KLHL15: variants seen among roughly 807,000 people sequenced by gnomAD.
KLHL15 encodes kelch like family member 15.
In KLHL15, 1 loss-of-function variant was observed where a neutral mutation model predicts 29.3. That is an observed-to-expected ratio of 0.03 (90% CI 0.01 to 0.16). The LOEUF is 0.16. Ranked by LOEUF, KLHL15 falls within the 10% of genes least tolerant of loss-of-function variation. The pLI is 1.00. For synonymous variants in KLHL15, 212 were observed against 184.5 expected (o/e 1.15, Z -1.21); for missense variants, 215 against 478.5 (o/e 0.45, Z 5.14).
At chrX:24,009,240 T>C (rs1221609648) in intron 2 of KLHL15, among the ~76,000 whole-genome samples, 1 of 111,268 alleles carries the variant, frequency 9.0e-6, no homozygotes, top group African/African-American at 3.3e-5. Context: ...CTCATGCCTG[T>C]AATCCCAACA....
intron 2 of KLHL15, among the ~76,000 whole-genome samples, chrX:24,022,360 A>G (rs75327374): frequency 2.2e-5 from 2 of 89,642 alleles, no homozygotes; most frequent in Non-Finnish European, 2.1e-5. Flanking sequence ...AAAAAAAAAA[A>G]GGCTGGGCAC....
rs201181072 is a variant in KLHL15, at chrX:24,006,228, T to C, written c.466A>G (p.Thr156Ala). ...NIEGVREKLD[T>A]FLLDNFVPLM... ...GGCACAAAGTTGTCTAGCAGAAAGG[T>C]GTCTAACTTCTCCCTGACTCCCTCG... Residue 156 changes from threonine (T) to alanine (A), a missense_variant, in exon 3 of 4, where the codon ACC becomes GCC. Thr to Ala is a moderately conservative substitution (Grantham distance 58). Coordinates refer to ENST00000328046, the MANE Select transcript of KLHL15 (RefSeq NM_030624.3). The C allele has an allele frequency of 1.2e-4, 148 of 1,209,191 alleles. No individual in the cohort carries two copies. The highest frequency in any genetic ancestry group is 1.6e-4 in the Non-Finnish European group (142 of 894,789).
chrX:23,989,980 C>G lies in KLHL15; in HGVS notation c.706-950G>C, dbSNP rs1281260540. On this transcript the variant is annotated intron_variant, in intron 3 of 3. Coordinates refer to ENST00000328046, the MANE Select transcript of KLHL15 (RefSeq NM_030624.3). ...AACATTTTCCTTTTTGCTTCTGGAGCTGGAGCTACCTAATTATGATGACTA... is the reference window on the plus strand; with the variant it reads ...AACATTTTCCTTTTTGCTTCTGGAGGTGGAGCTACCTAATTATGATGACTA... Among the ~76,000 whole-genome samples, 4 of 109,180 alleles carry G rather than the reference C, an allele frequency of 3.7e-5. No individual in the cohort carries two copies. The East Asian group carries it at 1.2e-3, about 32-fold the overall frequency. The allele number at this position is 109,180 out of a possible 115,157, so 94.8% of individuals were successfully genotyped here. A position where few individuals can be genotyped will look rare whatever the true frequency, so the allele number is the denominator to read the frequency against.
intron 2 of KLHL15, among the ~76,000 whole-genome samples, chrX:24,009,210 T>G (rs1234145998): frequency 9.1e-6 from 1 of 109,618 alleles, no homozygotes; most frequent in Non-Finnish European, 1.9e-5. Flanking sequence ...AATACAAAAA[T>G]TAAAGGCCGG....
rs779074981 is a variant in KLHL15 at position 23,993,794 on chromosome X, C to T, written c.706-4764G>A. On this transcript the variant is annotated intron_variant, in intron 3 of 3. Coordinates refer to ENST00000328046, the MANE Select transcript of KLHL15 (RefSeq NM_030624.3). ...CTGTAATCTCAGCACTTTGGGAGGT[C>T]GAGGCGGGCAAATCACTTGAGCTCA... 7.0e-4 allele frequency among the ~76,000 whole-genome samples: 77 copies of T among 109,781 alleles called. No individual in the cohort carries two copies. In the South Asian group the frequency reaches 0.029, roughly 41 times the overall value.
Position 24,011,316 on chromosome X carries a change from G to A in KLHL15, c.-7-4616C>T, listed in dbSNP as rs149099669. 9.9e-3 allele frequency among the ~76,000 whole-genome samples: 1,022 copies of A among 103,453 alleles called. 19 individuals carry two copies. The highest frequency in any genetic ancestry group is 0.034 in the African/African-American group (964 of 28,185). 89.8% of individuals were successfully genotyped at this position (103,453 alleles called of 115,157 possible). On this transcript the variant is annotated intron_variant, in intron 2 of 3. Transcript: ENST00000328046. Reference sequence around the variant, plus strand: ...AGGCCAGAAGCTTGGGACCAGCCTCGGCAACATAGTGAGACACTGTCTCTT... The same window carrying A: ...AGGCCAGAAGCTTGGGACCAGCCTCAGCAACATAGTGAGACACTGTCTCTT...
chrX:23,990,972 G>A (rs1187044522), intron 3 of KLHL15, among the ~76,000 whole-genome samples: 2 of 110,764 alleles, frequency 1.8e-5, no homozygotes, highest in Non-Finnish European at 3.8e-5. Flanking sequence ...TTTTGAGAAG[G>A]GGTCCTTCCA....
At chrX:23,999,455 C>T (rs1486165350) in intron 3 of KLHL15, among the ~76,000 whole-genome samples, 2 of 108,930 alleles carry the variant, frequency 1.8e-5, no homozygotes, top group African/African-American at 6.7e-5. Flanking sequence ...ATTAGCCGGG[C>T]GCGGTGGCGG....
intron 2 of KLHL15, among the ~76,000 whole-genome samples, chrX:24,022,626 A>G (rs773191289): frequency 1.0e-4 from 10 of 97,352 alleles, no homozygotes; most frequent in East Asian, 3.6e-4. Context: ...GCGACAGAAC[A>G]AGACTCTTGT....
chrX:24,015,349 T>A (rs1051492586), intron 2 of KLHL15, among the ~76,000 whole-genome samples: 8 of 112,472 alleles, frequency 7.1e-5, no homozygotes, highest in African/African-American at 2.6e-4. Context: ...TAGCTACTTT[T>A]AAAGTCTCAG....
At chrX:24,016,014 G>A (rs936113390) in intron 2 of KLHL15, among the ~76,000 whole-genome samples, 8 of 108,134 alleles carry the variant, frequency 7.4e-5, no homozygotes, top group Non-Finnish European at 1.5e-4. Flanking sequence ...TAATTAATTA[G>A]TTAATTAATT....
chrX:23,989,215 G>A (rs1929035388), intron 3 of KLHL15, among the ~76,000 whole-genome samples, 185 bp from the exon 4 acceptor site: 1 of 107,391 alleles, frequency 9.3e-6, no homozygotes, highest in Non-Finnish European at 1.9e-5. Context: ...TTTGGAGATG[G>A]AGTCTCACTC....
chrX:23,984,476 G>C lies in KLHL15; in HGVS notation c.*3445C>G. ...GCAAACAAGAAAACTGGCACTAGCAGTTTTACTGCCATATAGCCCTCAATT... is the reference window on the plus strand; with the variant it reads ...GCAAACAAGAAAACTGGCACTAGCACTTTTACTGCCATATAGCCCTCAATT... On this transcript the variant is annotated 3_prime_UTR_variant, in exon 4 of 4. Coordinates refer to ENST00000328046, the MANE Select transcript of KLHL15 (RefSeq NM_030624.3). 1 of 112,137 alleles carries C rather than the reference G, an allele frequency of 8.9e-6. No individual in the cohort carries two copies. Among genetic ancestry groups the C allele is most frequent in the Admixed American group, 9.5e-5 (1 of 10,537 alleles). 9.2% of individuals were successfully genotyped at this position (112,137 alleles called of 1,213,427 possible). A position where few individuals can be genotyped will look rare whatever the true frequency, so the allele number is the denominator to read the frequency against.
At chrX:24,012,939 G>A (rs182850970) in intron 2 of KLHL15, among the ~76,000 whole-genome samples, 40 of 111,436 alleles carry the variant, frequency 3.6e-4, no homozygotes, top group East Asian at 8.4e-4. Flanking sequence ...TCCATTAATC[G>A]AAAGCTATAT....
chrX:23,994,989 T>C (rs912216063), intron 3 of KLHL15, among the ~76,000 whole-genome samples: 1 of 111,300 alleles, frequency 9.0e-6, no homozygotes, highest in Admixed American at 9.7e-5. Context: ...AAAATGTAAA[T>C]TGTCCATTTC....
intron 2 of KLHL15, among the ~76,000 whole-genome samples, chrX:24,014,184 G>C: frequency 9.0e-6 from 1 of 111,185 alleles, no homozygotes. Flanking sequence ...TCAGGCTACA[G>C]TAAGCCATGA....
chrX:24,026,395 G>A (rs1024665903), intron 1 of KLHL15, among the ~76,000 whole-genome samples: 3 of 112,196 alleles, frequency 2.7e-5, no homozygotes, highest in Non-Finnish European at 5.6e-5. Context: ...TTCTTGACAA[G>A]AATATAAAAC....
At chrX:23,995,647 G>T (rs189563506) in intron 3 of KLHL15, among the ~76,000 whole-genome samples, 9 of 111,013 alleles carry the variant, frequency 8.1e-5, no homozygotes, top group African/African-American at 2.9e-4. Flanking sequence ...GGCTGGTCTT[G>T]AACTCGTGAC....
rs1000705948 is a variant in KLHL15, at chrX:24,020,851, G to A, written c.-8+4006C>T. On this transcript the variant is annotated intron_variant, in intron 2 of 3. Coordinates refer to ENST00000328046, the MANE Select transcript of KLHL15 (RefSeq NM_030624.3). ...ATGTTAGCCTTTCAGTTCCTCATAA[G>A]AATTATACAACCAAACTAAATATTT... is the stretch of plus-strand genomic sequence containing the variant. 3.6e-5 allele frequency among the ~76,000 whole-genome samples: 4 copies of A among 111,559 alleles called. No homozygotes were observed. The South Asian group carries it at 1.5e-3, about 41-fold the overall frequency.
Sources: allele counts gnomAD v4.1 joint callset (sites outside exome capture counted in the v4.1 genomes callset), GRCh38; gene constraint gnomAD v4.1.1; transcripts MANE v1.5; gene names NCBI Gene and HGNC (gene_info 2026-07-23, HGNC 2026-07-21).